Variants in MAP4K3 observed in about 807,000 individuals in gnomAD.
MAP4K3 encodes the protein MAPK/ERK kinase kinase kinase 3.
A neutral mutation model predicts 143.5 loss-of-function variants in MAP4K3; 94 were observed. The observed-to-expected ratio is 0.65, with a 90% CI of 0.55 to 0.78. The LOEUF is 0.78. MAP4K3 is among the 30% of genes least tolerant of loss of function. The pLI is 0.00. For missense variants in MAP4K3, 1,077 were observed against 1,068.1 expected (o/e 1.01, Z -0.12); for synonymous variants, 416 against 347.2 (o/e 1.20, Z -2.20).
At chr2:39,365,391 G>A (rs1446487793) in intron 2 of MAP4K3, among the ~76,000 whole-genome samples, 2 of 151,546 alleles carry the variant, frequency 1.3e-5, no homozygotes, top group Non-Finnish European at 2.9e-5. Context: ...TCAGTCGGTT[G>A]GGGGGCTTAG....
chr2:39,265,094 A>T lies in MAP4K3; in HGVS notation c.2136+109T>A, dbSNP rs189995154. 4 of 827,538 alleles carry T rather than the reference A, an allele frequency of 4.8e-6. No homozygotes were observed. In the African/African-American group the frequency reaches 5.1e-5, roughly 11 times the overall value. The allele number at this position is 827,538 out of a possible 1,614,324, so 51.3% of individuals were successfully genotyped here. ...TTTTACAACCCTGCCACATTATCTA[A>T]AATCACTAAATTAACTTGAAAATTA... On this transcript the variant is annotated intron_variant, in intron 28 of 33. Transcript: ENST00000263881.
intron 15 of MAP4K3, among the ~76,000 whole-genome samples, chr2:39,303,787 T>C (rs1477766540): frequency 4.6e-5 from 7 of 152,226 alleles, no homozygotes; most frequent in African/African-American, 9.6e-5. Context: ...TCCACCCGCC[T>C]TGGCCTCCGA....
At chr2:39,285,515 G>T (rs1264248661) in intron 21 of MAP4K3, among the ~76,000 whole-genome samples, 1 of 152,202 alleles carries the variant, frequency 6.6e-6, no homozygotes, top group Non-Finnish European at 1.5e-5. Context: ...GCACTGCTCA[G>T]TTGGACAGAA....
intron 2 of MAP4K3, among the ~76,000 whole-genome samples, chr2:39,358,040 T>A (rs887949902): frequency 7.4e-4 from 113 of 152,226 alleles, no homozygotes; most frequent in African/African-American, 2.5e-3. Flanking sequence ...GTGGAAAGCA[T>A]TGAGGAGAAA....
chr2:39,405,716 A>G (rs911505286), intron 1 of MAP4K3, among the ~76,000 whole-genome samples: 1 of 152,026 alleles, frequency 6.6e-6, no homozygotes, highest in African/African-American at 2.4e-5. Context: ...AAAAATACAA[A>G]CATTAGCCAG....
intron 21 of MAP4K3, among the ~76,000 whole-genome samples, chr2:39,284,550 T>C (rs974161903): frequency 6.6e-6 from 1 of 152,078 alleles, no homozygotes; most frequent in Non-Finnish European, 1.5e-5. Flanking sequence ...GTAAATATTA[T>C]TTAAAATAAA....
At chr2:39,403,505 C>T (rs1667009565) in intron 1 of MAP4K3, among the ~76,000 whole-genome samples, 1 of 152,136 alleles carries the variant, frequency 6.6e-6, no homozygotes, top group Non-Finnish European at 1.5e-5. Context: ...TTGCATTGAA[C>T]TCAGCTGACA....
At chr2:39,325,072 C>A (rs1488753896) in intron 12 of MAP4K3, among the ~76,000 whole-genome samples, 2 of 152,064 alleles carry the variant, frequency 1.3e-5, no homozygotes, top group Non-Finnish European at 2.9e-5. Flanking sequence ...TTGCTTCAGC[C>A]TCCCAAAGTG....
At chr2:39,376,200 C>T (rs1468197992) in intron 2 of MAP4K3, among the ~76,000 whole-genome samples, 11 of 152,162 alleles carry the variant, frequency 7.2e-5, no homozygotes, top group Non-Finnish European at 1.6e-4. Flanking sequence ...TTTGTGATTA[C>T]ACTTTTTGAG....
intron 27 of MAP4K3, among the ~76,000 whole-genome samples, chr2:39,266,838 C>T (rs1036923798): frequency 1.3e-5 from 2 of 151,658 alleles, no homozygotes; most frequent in African/African-American, 4.8e-5. Context: ...ATCTCACAAG[C>T]CATTGCTAAG....
At chr2:39,351,650 CTG>C (rs1298386251) in intron 3 of MAP4K3, among the ~76,000 whole-genome samples, 1 of 152,148 alleles carries the variant, frequency 6.6e-6, no homozygotes, top group Non-Finnish European at 1.5e-5. Flanking sequence ...AACTAGTACT[CTG>C]TACTTCAAAG....
intron 1 of MAP4K3, among the ~76,000 whole-genome samples, chr2:39,416,751 A>G (rs1667393284): frequency 6.6e-6 from 1 of 152,212 alleles, no homozygotes; most frequent in African/African-American, 2.4e-5. Flanking sequence ...CTTCCTTAGC[A>G]TAAAAAAGAA....
intron 1 of MAP4K3, among the ~76,000 whole-genome samples, chr2:39,425,255 C>T (rs7603392): frequency 0.96 from 145,727 of 152,268 alleles, 70,091 homozygotes; most frequent in East Asian, 1. Flanking sequence ...GATGAAATCC[C>T]CCAAAATTTG....
chr2:39,251,916 G>A lies in MAP4K3; in HGVS notation c.2542-31C>T, dbSNP rs77464649. The A allele has an allele frequency of 8.4e-4, 1,299 of 1,537,550 alleles. 29 individuals are homozygous for A. In the East Asian group the frequency reaches 0.025, roughly 30 times the overall value. ...CAATTAAAACACAAATTTAATTTCT[G>A]AAATTAAAGACACAAAATTTTTAAT... On this transcript the variant is annotated intron_variant, in intron 32 of 33. Coordinates refer to ENST00000263881, the MANE Select transcript of MAP4K3 (RefSeq NM_003618.4).
chr2:39,330,699 G>A (rs1024412582), intron 8 of MAP4K3, among the ~76,000 whole-genome samples: 2 of 152,104 alleles, frequency 1.3e-5, no homozygotes, highest in East Asian at 3.9e-4. Flanking sequence ...GACAGATAAT[G>A]TGACAGACTT....
chr2:39,330,600 G>C (rs1464878167), intron 8 of MAP4K3, among the ~76,000 whole-genome samples: 1 of 152,006 alleles, frequency 6.6e-6, no homozygotes, highest in African/African-American at 2.4e-5. Context: ...GCTGGAACAG[G>C]AGGGAAAATG....
intron 16 of MAP4K3, 85 bp from the exon 17 acceptor site, chr2:39,293,353 C>G: frequency 1.1e-6 from 1 of 912,476 alleles, no homozygotes; most frequent in South Asian, 1.6e-5. Context: ...TTAACCTTAA[C>G]CATACATTTT....
At chr2:39,387,161 A>T (rs1666527588) in intron 1 of MAP4K3, among the ~76,000 whole-genome samples, 1 of 152,164 alleles carries the variant, frequency 6.6e-6, no homozygotes, top group Non-Finnish European at 1.5e-5. Context: ...CAATCACAAT[A>T]ATTTTGTGAT....
At chr2:39,263,167 CG>C (rs1353554104) in intron 28 of MAP4K3, among the ~76,000 whole-genome samples, 1 of 151,552 alleles carries the variant, frequency 6.6e-6, no homozygotes, top group Non-Finnish European at 1.5e-5. Context: ...ATATAGAAAG[CG>C]TAACAATGTT....
Sources: allele counts gnomAD v4.1 joint callset (sites outside exome capture counted in the v4.1 genomes callset), GRCh38; gene constraint gnomAD v4.1.1; transcripts MANE v1.5; gene names NCBI Gene and HGNC (gene_info 2026-07-23, HGNC 2026-07-21).